The following ATP8A1 variants were observed in gnomAD, a reference collection of about 807,000 sequenced individuals.
ATP8A1 encodes ATPase phospholipid transporting 8A1.
In ATP8A1, 90 loss-of-function variants were observed where a neutral mutation model predicts 177.7. That is an observed-to-expected ratio of 0.51 (90% CI 0.43 to 0.60). The LOEUF (loss-of-function observed/expected upper bound fraction) is 0.60. ATP8A1 is among the 20% of genes least tolerant of loss of function. ATP8A1 has a pLI of 0.00. For synonymous variants in ATP8A1, 493 were observed against 485.9 expected (o/e 1.01, Z -0.19); for missense variants, 1,072 against 1,392.8 (o/e 0.77, Z 3.67).
At chr4:42,559,529 C>G (rs1408298341) in intron 15 of ATP8A1, among the ~76,000 whole-genome samples, 1 of 152,114 alleles carries the variant, frequency 6.6e-6, no homozygotes, top group South Asian at 2.1e-4. Flanking sequence ...TTGGTGAGAA[C>G]ATAAACTATA....
intron 2 of ATP8A1, chr4:42,626,259 T>C (rs1244886505): frequency 6.6e-6 from 1 of 152,280 alleles, no homozygotes; most frequent in Non-Finnish European, 1.5e-5. Flanking sequence ...ATATCACTAC[T>C]TAGGTCTTAG....
At chr4:42,459,083 A>G (rs1259513363) in intron 27 of ATP8A1, among the ~76,000 whole-genome samples, 1 of 152,258 alleles carries the variant, frequency 6.6e-6, no homozygotes, top group Non-Finnish European at 1.5e-5. Flanking sequence ...CATTACCAAG[A>G]CAGTTGAATC....
chr4:42,416,165 C>A (rs1165381861), intron 35 of ATP8A1, among the ~76,000 whole-genome samples: 1 of 152,098 alleles, frequency 6.6e-6, no homozygotes, highest in Admixed American at 6.5e-5. Context: ...CATTACAGAC[C>A]CATGGACCCT....
intron 11 of ATP8A1, 140 bp from the exon 12 acceptor site, chr4:42,578,527 T>C (rs1732706552): frequency 1.1e-6 from 1 of 908,148 alleles, no homozygotes; most frequent in African/African-American, 1.7e-5. Context: ...TAATCTATCC[T>C]AATTCTCAAG....
chr4:42,650,130 G>GT (rs1740940890), intron 1 of ATP8A1, among the ~76,000 whole-genome samples: 1 of 152,180 alleles, frequency 6.6e-6, no homozygotes, highest in South Asian at 2.1e-4. Flanking sequence ...TCCCACAGCT[G>GT]TAACATTAGG....
intron 33 of ATP8A1, among the ~76,000 whole-genome samples, chr4:42,437,718 T>C (rs1426015959): frequency 1.3e-5 from 2 of 152,188 alleles, no homozygotes; most frequent in Non-Finnish European, 2.9e-5. Flanking sequence ...GTCGAATTAC[T>C]GTAGTGGAAA....
At position 42,525,547 on chromosome 4, in the gene ATP8A1, A is replaced by C. The variant is rs73235595; in HGVS notation, c.1723-700T>G. Among the ~76,000 whole-genome samples, 1,270 of 152,246 alleles carry C rather than the reference A, an allele frequency of 8.3e-3. 7 individuals carry two copies. The highest frequency in any genetic ancestry group is 0.015 in the Non-Finnish European group (992 of 68,028). ...AAGACTCAGTTTACTTAATCTGTAA[A>C]ATTTTGTTACCAGATTATGTTTAAA... On this transcript the variant is annotated intron_variant, in intron 20 of 36. Coordinates refer to ENST00000381668, the MANE Select transcript of ATP8A1 (RefSeq NM_006095.2).
intron 20 of ATP8A1, among the ~76,000 whole-genome samples, chr4:42,529,622 G>T (rs552957899): frequency 2.0e-5 from 3 of 152,166 alleles, no homozygotes; most frequent in Non-Finnish European, 2.9e-5. Context: ...AGCCTGCACC[G>T]ATGGCCTCAT....
chr4:42,441,720 C>T (rs1716666466), intron 33 of ATP8A1, among the ~76,000 whole-genome samples: 1 of 151,970 alleles, frequency 6.6e-6, no homozygotes, highest in Admixed American at 6.6e-5. Context: ...TAAAGTGCTA[C>T]ATAAACTTAA....
At chr4:42,539,214 C>A (rs1728137064) in intron 20 of ATP8A1, among the ~76,000 whole-genome samples, 1 of 150,574 alleles carries the variant, frequency 6.6e-6, no homozygotes. Flanking sequence ...TATGAGGATG[C>A]AAAGACACGA....
chr4:42,554,974 C>T (rs115964823), intron 16 of ATP8A1, among the ~76,000 whole-genome samples: 18,512 of 152,134 alleles, frequency 0.12, 1,432 homozygotes, highest in East Asian at 0.27. Flanking sequence ...CATTGAACTC[C>T]AAGTTTTTCA....
At chr4:42,508,936 G>A (rs938139228) in intron 22 of ATP8A1, among the ~76,000 whole-genome samples, 1 of 152,176 alleles carries the variant, frequency 6.6e-6, no homozygotes, top group African/African-American at 2.4e-5. Flanking sequence ...GCTTTGCTTA[G>A]GCATGAACAA....
intron 25 of ATP8A1, chr4:42,472,408 A>T (rs1322565418): frequency 1.4e-5 from 1 of 71,352 alleles, no homozygotes; most frequent in Non-Finnish European, 2.7e-5. Flanking sequence ...ATTCACAGTT[A>T]AAAAAAAAAA....
chr4:42,626,944 AC>A (rs766800856), intron 2 of ATP8A1, 50 bp downstream of exon 2: 929 of 1,410,054 alleles, frequency 6.6e-4, no homozygotes, highest in Non-Finnish European at 7.2e-4. Flanking sequence ...TTTTGACCTA[AC>A]CAGCTCTGCT....
intron 27 of ATP8A1, among the ~76,000 whole-genome samples, chr4:42,456,799 AT>A (rs1426706630): frequency 1.3e-5 from 2 of 152,162 alleles, no homozygotes; most frequent in African/African-American, 4.8e-5. Context: ...GCTCAACTGA[AT>A]TTTTGAATCA....
intron 1 of ATP8A1, among the ~76,000 whole-genome samples, chr4:42,631,990 A>C (rs1398871286): frequency 2.0e-5 from 3 of 152,160 alleles, no homozygotes; most frequent in Non-Finnish European, 4.4e-5. Flanking sequence ...CAAGAGACTA[A>C]CTCAGGCATT....
chr4:42,639,655 A>G (rs986356252), intron 1 of ATP8A1, among the ~76,000 whole-genome samples: 1 of 152,242 alleles, frequency 6.6e-6, no homozygotes, highest in African/African-American at 2.4e-5. Flanking sequence ...GTAGGTATAT[A>G]TAATTATTTT....
chr4:42,524,421 G>T (rs1304526707), intron 21 of ATP8A1, among the ~76,000 whole-genome samples: 16 of 144,892 alleles, frequency 1.1e-4, no homozygotes, highest in South Asian at 8.7e-4. Flanking sequence ...TAGAATATCT[G>T]TTTTTTTTTT....
chr4:42,647,700 T>A (rs1422143312), intron 1 of ATP8A1, among the ~76,000 whole-genome samples: 1 of 152,098 alleles, frequency 6.6e-6, no homozygotes, highest in Non-Finnish European at 1.5e-5. Context: ...GAGATATAAA[T>A]GCTGATTTGT....
Sources: gnomAD v4.1 joint callset for allele counts (sites outside exome capture counted in the v4.1 genomes callset) on GRCh38, gnomAD v4.1.1 for gene constraint, MANE v1.5 for transcripts, NCBI Gene and HGNC (gene_info 2026-07-23, HGNC 2026-07-21) for gene names.